ST6GALNAC5: variants seen among roughly 807,000 people sequenced by gnomAD.
The protein encoded by ST6GALNAC5 is alpha-N-acetylgalactosaminide alpha-2,6-sialyltransferase 5.
A neutral mutation model predicts 33.6 loss-of-function variants in ST6GALNAC5; 27 were observed. The observed-to-expected ratio is 0.80, with a 90% CI of 0.59 to 1.11. The LOEUF is 1.11. Among genes scored for constraint, ST6GALNAC5 ranks in the 50% least tolerant of loss-of-function variants. The pLI is 0.00. For synonymous variants in ST6GALNAC5, 194 were observed against 171.2 expected (o/e 1.13, Z -1.04); for missense variants, 428 against 454.0 (o/e 0.94, Z 0.52).
intron 2 of ST6GALNAC5, among the ~76,000 whole-genome samples, chr1:76,870,293 T>C (rs1391131406): frequency 6.6e-6 from 1 of 152,144 alleles, no homozygotes; most frequent in Non-Finnish European, 1.5e-5. Context: ...TGTTTATGTG[T>C]AACTGGTGTA....
At chr1:76,872,108 CA>C (rs1557704747) in intron 2 of ST6GALNAC5, among the ~76,000 whole-genome samples, 2 of 137,318 alleles carry the variant, frequency 1.5e-5, no homozygotes, top group South Asian at 2.1e-4. Context: ...CACACACACA[CA>C]CACACACACC....
intron 2 of ST6GALNAC5, among the ~76,000 whole-genome samples, chr1:76,974,555 C>G (rs1648919640): frequency 6.6e-6 from 1 of 151,712 alleles, no homozygotes. Flanking sequence ...TGATATAAGT[C>G]TGTAAATTTT....
At chr1:76,929,621 T>G (rs554088413) in intron 2 of ST6GALNAC5, among the ~76,000 whole-genome samples, 3 of 152,132 alleles carry the variant, frequency 2.0e-5, no homozygotes, top group Non-Finnish European at 4.4e-5. Context: ...AGCTATCCTG[T>G]GCATTACGAT....
intron 2 of ST6GALNAC5, among the ~76,000 whole-genome samples, chr1:76,915,213 G>A (rs1473591035): frequency 1.3e-5 from 2 of 151,344 alleles, no homozygotes; most frequent in East Asian, 3.9e-4. Flanking sequence ...GAGAGGATGT[G>A]GAGAAATAGG....
At position 77,066,822 on chromosome 1, in the gene ST6GALNAC5, T is replaced by C. The variant is rs970476089; in HGVS notation, c.*3616T>C. ...TCTCTTTACTGTCATTTTCTCCCAA[T>C]TGTCTTCTTTTGTCTACAGTGTGCT... On this transcript the variant is annotated 3_prime_UTR_variant, in exon 5 of 5. Coordinates refer to ENST00000477717, the MANE Select transcript of ST6GALNAC5 (RefSeq NM_030965.3). Among the ~76,000 whole-genome samples, 1 of 152,228 alleles carries C rather than the reference T, an allele frequency of 6.6e-6. No homozygotes were observed. Among genetic ancestry groups the C allele is most frequent in the Non-Finnish European group, 1.5e-5 (1 of 68,042 alleles).
At chr1:76,971,636 TC>T (rs1648762165) in intron 2 of ST6GALNAC5, among the ~76,000 whole-genome samples, 1 of 152,150 alleles carries the variant, frequency 6.6e-6, no homozygotes, top group Non-Finnish European at 1.5e-5. Flanking sequence ...TTCCATTTCG[TC>T]CCTCTATGAG....
chr1:76,976,881 C>T (rs1174179688), intron 2 of ST6GALNAC5, among the ~76,000 whole-genome samples: 3 of 151,744 alleles, frequency 2.0e-5, no homozygotes, highest in East Asian at 3.9e-4. Context: ...TCTGATGATT[C>T]GTCTAATTCA....
intron 2 of ST6GALNAC5, among the ~76,000 whole-genome samples, chr1:76,976,209 G>C (rs1557744517): frequency 6.6e-6 from 1 of 152,148 alleles, no homozygotes; most frequent in East Asian, 1.9e-4. Context: ...TTCTTGACCT[G>C]GGTAGTATTT....
At chr1:76,974,713 A>AT (rs34096564) in intron 2 of ST6GALNAC5, among the ~76,000 whole-genome samples, 142,229 of 146,100 alleles carry the variant, frequency 0.97, 69,256 homozygotes, top group East Asian at 1. Flanking sequence ...AATATAAGAT[A>AT]ACAGTCTTAT....
At chr1:76,882,410 A>G (rs1306417187) in intron 2 of ST6GALNAC5, among the ~76,000 whole-genome samples, 1 of 152,180 alleles carries the variant, frequency 6.6e-6, no homozygotes, top group Non-Finnish European at 1.5e-5. Context: ...AAGAACTACC[A>G]TTCTGCAAAT....
At chr1:77,012,568 AGG>A (rs752923348) in intron 2 of ST6GALNAC5, among the ~76,000 whole-genome samples, 5 of 152,192 alleles carry the variant, frequency 3.3e-5, no homozygotes, top group African/African-American at 4.8e-5. Context: ...CTGCACTGAC[AGG>A]GAAAGACAGG....
intron 2 of ST6GALNAC5, among the ~76,000 whole-genome samples, chr1:77,005,706 T>C (rs1343977653): frequency 6.6e-6 from 1 of 152,232 alleles, no homozygotes. Context: ...TAGCTGTCCA[T>C]TTCCCTCTTC....
intron 2 of ST6GALNAC5, among the ~76,000 whole-genome samples, chr1:76,941,953 T>A (rs1647349977): frequency 6.6e-6 from 1 of 152,140 alleles, no homozygotes; most frequent in African/African-American, 2.4e-5. Flanking sequence ...ACAGTGTCTC[T>A]CAGAGTCAAT....
At chr1:77,025,401 C>T (rs767265238) in intron 2 of ST6GALNAC5, among the ~76,000 whole-genome samples, 68 of 151,940 alleles carry the variant, frequency 4.5e-4, no homozygotes, top group Non-Finnish European at 8.2e-4. Flanking sequence ...GGTGTGGTGG[C>T]AGATGCCTGT....
At chr1:77,031,169 G>A (rs989203957) in intron 2 of ST6GALNAC5, among the ~76,000 whole-genome samples, 2 of 152,224 alleles carry the variant, frequency 1.3e-5, no homozygotes, top group African/African-American at 4.8e-5. Context: ...GTCCATCAAT[G>A]ATTAGCAAAT....
At chr1:76,959,499 T>A (rs991234858) in intron 2 of ST6GALNAC5, among the ~76,000 whole-genome samples, 2 of 152,232 alleles carry the variant, frequency 1.3e-5, no homozygotes. Flanking sequence ...CTAGTTTGCT[T>A]AGCAATGGAC....
Position 76,883,027 on chromosome 1 carries a change from A to G in ST6GALNAC5, c.261+14285A>G, listed in dbSNP as rs530321825. Among the ~76,000 whole-genome samples, 3 of 152,296 alleles carry G rather than the reference A, an allele frequency of 2.0e-5. No individual in the cohort carries two copies. In the South Asian group the frequency reaches 6.2e-4, roughly 32 times the overall value. On this transcript the variant is annotated intron_variant, in intron 2 of 4. Transcript: ENST00000477717. ...CACCTCCTTTCTAAAGTTTTCCCAG[A>G]TACAACATCTATGCAGAGTATACCC...
intron 2 of ST6GALNAC5, among the ~76,000 whole-genome samples, chr1:77,026,313 A>G (rs1409238602): frequency 6.6e-6 from 1 of 152,162 alleles, no homozygotes; most frequent in Non-Finnish European, 1.5e-5. Context: ...CTCTTATGTT[A>G]ATTTCCTCCT....
chr1:76,884,684 C>T (rs1376465043), intron 2 of ST6GALNAC5, among the ~76,000 whole-genome samples: 2 of 152,130 alleles, frequency 1.3e-5, no homozygotes, highest in African/African-American at 4.8e-5. Context: ...GCTATATGGA[C>T]ATGAAATTTT....
Sources: allele counts gnomAD v4.1 joint callset (sites outside exome capture counted in the v4.1 genomes callset), GRCh38; gene constraint gnomAD v4.1.1; transcripts MANE v1.5; gene names NCBI Gene and HGNC (gene_info 2026-07-23, HGNC 2026-07-21).